ADAR: variants seen among roughly 807,000 people sequenced by gnomAD.
ADAR encodes adenosine deaminase RNA specific.
Under a neutral mutation model 113.2 loss-of-function variants are expected in ADAR, and 41 were observed. The ratio of observed to expected loss-of-function variants is 0.36; its 90% CI spans 0.28 to 0.47. The LOEUF is 0.47. Among genes scored for constraint, ADAR ranks in the 20% least tolerant of loss-of-function variants. ADAR has a pLI of 1.00. For missense variants in ADAR, 1,242 were observed against 1,540.9 expected (o/e 0.81, Z 3.25); for synonymous variants, 605 against 572.6 (o/e 1.06, Z -0.81).
At chr1:154,604,460 T>C (rs905928313) in intron 1 of ADAR, among the ~76,000 whole-genome samples, 1 of 152,184 alleles carries the variant, frequency 6.6e-6, no homozygotes, top group African/African-American at 2.4e-5. Context: ...CTCCAAAGCT[T>C]CCCAGTGGTA....
At chr1:154,603,827 G>A (rs561016516) in intron 1 of ADAR, among the ~76,000 whole-genome samples, 4 of 152,254 alleles carry the variant, frequency 2.6e-5, no homozygotes, top group African/African-American at 7.2e-5. Context: ...GACTCTCCTG[G>A]AGGCTGCACA....
chr1:154,625,807 C>T lies in ADAR; in HGVS notation c.-871+2048G>A, dbSNP rs577637473. ...ATCACCTGAGGTCAGGAGTTCGAGA[C>T]CAGCCTGGCCAACATGGTGAAACCC... is the stretch of plus-strand genomic sequence containing the variant. On this transcript the variant is annotated intron_variant, in intron 1 of 14. Coordinates refer to the ADAR transcript ENST00000368471. Among the ~76,000 whole-genome samples the T allele has an allele frequency of 3.3e-5, 5 of 152,210 alleles. No individual in the cohort carries two copies. The East Asian group carries it at 9.7e-4, about 29-fold the overall frequency.
intron 6 of ADAR, among the ~76,000 whole-genome samples, chr1:154,591,795 T>C (rs1056723318): frequency 6.6e-6 from 1 of 152,202 alleles, no homozygotes; most frequent in African/African-American, 2.4e-5. Context: ...TCACTGTTCC[T>C]TGATGATCCG....
intron 8 of ADAR, 48 bp downstream of exon 8, chr1:154,589,709 C>T (rs776679441): frequency 1.2e-6 from 2 of 1,612,806 alleles, no homozygotes; most frequent in Non-Finnish European, 1.7e-6. Context: ...TGAGAGGCAC[C>T]CGCTTTCAGG....
chr1:154,601,937 T>G lies in ADAR; in HGVS notation c.705A>C (p.Thr235=), dbSNP rs1697907970. Residue 235 remains threonine, a synonymous_variant, in exon 2 of 15, where the codon ACA becomes ACC. Coordinates refer to ENST00000368474, the MANE Select transcript of ADAR (RefSeq NM_001111.5). The surrounding 1 kb of genome is among the most constrained non-coding windows in gnomAD (Gnocchi z 4.7). ...GCTCAAGAAGATCTTCTGAGACAGA[T>G]GTGGAGTTTCTGTCTTCCGGTTCCA... is the stretch of plus-strand genomic sequence containing the variant. ...PSLEPEDRNS[T]SVSEDLLEPF... is the part of the protein sequence containing the mutation. 2 of 1,614,000 alleles carry G rather than the reference T, an allele frequency of 1.2e-6. No individual in the cohort carries two copies. Among genetic ancestry groups the G allele is most frequent in the Non-Finnish European group, 8.5e-7 (1 of 1,179,986 alleles).
intron 1 of ADAR, among the ~76,000 whole-genome samples, chr1:154,622,798 G>C (rs1034798359): frequency 3.3e-5 from 5 of 152,158 alleles, no homozygotes; most frequent in Non-Finnish European, 5.9e-5. Flanking sequence ...TTCTTCCTGT[G>C]GGAAGATTTC....
chr1:154,595,567 A>C (rs1254520053), intron 6 of ADAR, among the ~76,000 whole-genome samples: 1 of 152,208 alleles, frequency 6.6e-6, no homozygotes, highest in Non-Finnish European at 1.5e-5. Context: ...AAACAAAGGA[A>C]ATATTTTTGG....
Position 154,601,307 on chromosome 1 carries a change from C to T in ADAR, c.1335G>A (p.Gly445=), listed in dbSNP as rs756663454. The change falls in exon 2 of 15, where the codon GGG becomes GGA. Residue 445 remains glycine (G), a synonymous_variant. Transcript: ENST00000368474. The surrounding 1 kb of genome is among the most constrained non-coding windows in gnomAD (Gnocchi z 4.7). Reference sequence around the variant, plus strand: ...ACTGGCCATTTTCAAAGTCAACATACCCTGCTTTTGAGGGGCCATTGTAAT... The same window carrying T: ...ACTGGCCATTTTCAAAGTCAACATATCCTGCTTTTGAGGGGCCATTGTAAT... The part of the protein sequence containing the change: ...PVHYNGPSKA[G]YVDFENGQWA... 1 of 1,614,116 alleles carries T rather than the reference C, an allele frequency of 6.2e-7. No individual in the cohort carries two copies. The highest frequency in any genetic ancestry group is 1.3e-5 in the African/African-American group (1 of 74,948).
At chr1:154,589,732 C>A (rs145115780) in intron 8 of ADAR, 25 bp downstream of exon 8, 1 of 1,613,966 alleles carries the variant, frequency 6.2e-7, no homozygotes, top group Non-Finnish European at 8.5e-7. Context: ...CCATGGGAGG[C>A]GGCATGTCTC....
At chr1:154,605,552 G>A (rs111281610) in intron 1 of ADAR, among the ~76,000 whole-genome samples, 3 of 151,730 alleles carry the variant, frequency 2.0e-5, no homozygotes, top group Admixed American at 1.3e-4. Context: ...CAGTACTGAT[G>A]AGGGGCTTCA....
At chr1:154,588,073 TG>T in intron 11 of ADAR, 51 bp downstream of exon 11, 1 of 1,610,332 alleles carries the variant, frequency 6.2e-7, no homozygotes. Context: ...TTGGGGTCCC[TG>T]GACCTTGCAG....
chr1:154,589,366 C>T lies in ADAR; in HGVS notation c.2762+3G>A. 1 of 1,613,800 alleles carries T rather than the reference C, an allele frequency of 6.2e-7. No homozygotes were observed. The highest frequency in any genetic ancestry group is 1.1e-5 in the South Asian group (1 of 91,054). On this transcript the variant is annotated splice_donor_region_variant and intron_variant, in intron 9 of 14. Coordinates refer to ENST00000368474, the MANE Select transcript of ADAR (RefSeq NM_001111.5). ...GCCGGGCCACAGCTCTGACCTCGCTCACCTGATGAAGCCTCTCCGGGAGAT... is the reference window on the plus strand; with the variant it reads ...GCCGGGCCACAGCTCTGACCTCGCTTACCTGATGAAGCCTCTCCGGGAGAT...
At chr1:154,586,091 G>A in intron 12 of ADAR, 90 bp downstream of exon 12, 6 of 1,516,860 alleles carry the variant, frequency 4.0e-6, no homozygotes, top group Non-Finnish European at 5.5e-6. Flanking sequence ...TTTGATAAGG[G>A]AGACAAAACA....
At chr1:154,624,509 C>T (rs1402561940) in intron 1 of ADAR, among the ~76,000 whole-genome samples, 2 of 152,186 alleles carry the variant, frequency 1.3e-5, no homozygotes, top group Non-Finnish European at 2.9e-5. Context: ...GTTCACTATA[C>T]AACTACAAGT....
intron 6 of ADAR, 57 bp downstream of exon 6, chr1:154,596,748 G>A (rs752725425): frequency 2.5e-6 from 4 of 1,598,326 alleles, no homozygotes; most frequent in Non-Finnish European, 3.4e-6. Flanking sequence ...GTTTTCCCTG[G>A]GTTACAGACC....
Position 154,589,775 on chromosome 1 carries a change from C to G in ADAR, c.2650G>C (p.Val884Leu). Residue 884 changes from valine to leucine, a missense_variant, in exon 8 of 15, where the codon GTC becomes CTC. Physicochemically the swap from Val to Leu is conservative, Grantham distance 32. Around this residue, in one of 2 missense-constraint regions of ADAR, gnomAD observed 780 missense variants for 1,057.9 expected, o/e 0.74. Coordinates refer to ENST00000368474, the MANE Select transcript of ADAR (RefSeq NM_001111.5). ...MKKDSEDMGV[V>L]VSLGTGNRCV... ...CACTCACCTGTTCCCAAGCTGACGA[C>G]GACACCCATGTCCTCAGAGTCTTTT... The G allele has an allele frequency of 1.2e-6, 2 of 1,614,112 alleles. No individual in the cohort carries two copies. The highest frequency in any genetic ancestry group is 1.7e-6 in the Non-Finnish European group (2 of 1,180,020).
intron 3 of ADAR, 76 bp from the exon 4 acceptor site, chr1:154,598,052 G>GA: frequency 6.6e-7 from 1 of 1,506,452 alleles, no homozygotes; most frequent in South Asian, 1.2e-5. Flanking sequence ...AAGGGATGGG[G>GA]ATGGGGGACT....
intron 1 of ADAR, among the ~76,000 whole-genome samples, chr1:154,604,228 G>C (rs960599867): frequency 6.6e-6 from 1 of 152,210 alleles, no homozygotes; most frequent in Admixed American, 6.5e-5. Context: ...GTACCTGTGG[G>C]CCATAGTTTC....
intron 2 of ADAR, chr1:154,600,794 G>A: frequency 1.7e-6 from 1 of 583,742 alleles, no homozygotes; most frequent in Non-Finnish European, 3.0e-6. Flanking sequence ...TTCTAAAGAA[G>A]CTTCATTACA....
Sources: allele counts gnomAD v4.1 joint callset (sites outside exome capture counted in the v4.1 genomes callset), GRCh38; gene constraint gnomAD v4.1.1; regional missense constraint gnomAD v4.1.1; non-coding constraint Gnocchi (gnomAD v3.1); transcripts MANE v1.5; gene names NCBI Gene and HGNC (gene_info 2026-07-23, HGNC 2026-07-21).